Variants in MLLT10 observed in about 807,000 individuals in gnomAD.
The protein encoded by MLLT10 is MLLT10 histone lysine methyltransferase DOT1L cofactor, also known as protein AF-10.
Under a neutral mutation model 129.1 loss-of-function variants are expected in MLLT10, and 30 were observed. The observed-to-expected ratio is 0.23, with a 90% CI of 0.17 to 0.32. The LOEUF (loss-of-function observed/expected upper bound fraction) is 0.32, where lower values mean the gene tolerates loss of function less well. MLLT10 is among the 10% of genes least tolerant of loss of function. The probability of loss-of-function intolerance (pLI) is 1.00; values close to 1 mark genes in which losing one functional copy is unlikely to be tolerated. For synonymous variants in MLLT10, 490 were observed against 446.4 expected, an observed-to-expected ratio of 1.10 and a Z score of -1.23; for missense variants, 1,119 against 1,268.3, an observed-to-expected ratio of 0.88 and a Z score of 1.79.
chr10:21,535,991 T>G (rs1197285809), intron 2 of MLLT10, among the ~76,000 whole-genome samples: 1 of 152,252 alleles, frequency 6.6e-6, no homozygotes, highest in East Asian at 1.9e-4. Context: ...CAGGCTGTAG[T>G]GCAGTGGTGC....
At chr10:21,701,399 A>G (rs2054897840) in intron 13 of MLLT10, among the ~76,000 whole-genome samples, 1 of 150,402 alleles carries the variant, frequency 6.6e-6, no homozygotes, top group South Asian at 2.1e-4. Context: ...CTTGAGGTGC[A>G]TCATTAGATT....
In MLLT10 at chr10:21,735,522, T is replaced by C. The variant is rs74859211; in HGVS notation, c.2955+287T>C. ...GCTTCATTTTGATACGGGAGATGGA[T>C]GGACACGATGCACGCTTTTTGGTTG... On this transcript the variant is annotated intron_variant, in intron 21 of 22. Transcript: ENST00000307729. Among the ~76,000 whole-genome samples, 1,481 of 152,150 alleles carry C rather than the reference T, an allele frequency of 9.7e-3. 22 individuals are homozygous for C. Among genetic ancestry groups the C allele is most frequent in the African/African-American group, 0.034 (1,401 of 41,478 alleles).
chr10:21,631,434 AT>A (rs1225647026), intron 8 of MLLT10, among the ~76,000 whole-genome samples: 4,353 of 145,656 alleles, frequency 0.03, 192 homozygotes, highest in African/African-American at 0.098. Context: ...AGTCCCTGGA[AT>A]TTTTTTTTTT....
chr10:21,741,628 T>G (rs1833649493), intron 22 of MLLT10, among the ~76,000 whole-genome samples: 1 of 152,224 alleles, frequency 6.6e-6, no homozygotes. Context: ...AAAATTTCAT[T>G]CTCTACAGTA....
At chr10:21,548,910 T>C (rs2036528078) in intron 3 of MLLT10, among the ~76,000 whole-genome samples, 1 of 152,172 alleles carries the variant, frequency 6.6e-6, no homozygotes, top group African/African-American at 2.4e-5. Context: ...TTTGGAATTC[T>C]TTGTTAACTC....
At chr10:21,578,941 C>G (rs561272986) in intron 3 of MLLT10, among the ~76,000 whole-genome samples, 1 of 152,266 alleles carries the variant, frequency 6.6e-6, no homozygotes, top group African/African-American at 2.4e-5. Flanking sequence ...CTAAGTTTAC[C>G]CAGATATTTA....
intron 16 of MLLT10, 35 bp from the exon 17 acceptor site, chr10:21,730,865 C>T: frequency 6.2e-7 from 1 of 1,612,748 alleles, no homozygotes; most frequent in Non-Finnish European, 8.5e-7. Flanking sequence ...TAAAAGCATT[C>T]CCCTTCTTTT....
At chr10:21,559,552 C>A (rs2038528590) in intron 3 of MLLT10, among the ~76,000 whole-genome samples, 1 of 152,144 alleles carries the variant, frequency 6.6e-6, no homozygotes, top group Non-Finnish European at 1.5e-5. Context: ...GTGTTTATAA[C>A]CGTCAGCAGT....
In MLLT10 at chr10:21,667,379, T is replaced by C. The variant is rs185460679; in HGVS notation, c.796-3070T>C. Among the ~76,000 whole-genome samples the C allele has an allele frequency of 7.8e-4, 118 of 151,320 alleles. 1 individual carries two copies. The highest frequency in any genetic ancestry group is 2.6e-3 in the African/African-American group (106 of 41,444). ...TTAAACTGTGGGGGTTTTTTTTTTT[T>C]CATCAATTTTATAATTTTTCCTACT... On this transcript the variant is annotated intron_variant, in intron 9 of 22. Coordinates refer to ENST00000307729, the MANE Select transcript of MLLT10 (RefSeq NM_001195626.3).
intron 22 of MLLT10, 146 bp from the exon 23 acceptor site, chr10:21,741,793 A>G: frequency 1.4e-6 from 1 of 697,644 alleles, no homozygotes; most frequent in African/African-American, 1.8e-5. Flanking sequence ...ATGTCTATAT[A>G]TTACGTTGCA....
chr10:21,731,408 T>C (rs1300692092), intron 17 of MLLT10, among the ~76,000 whole-genome samples: 1 of 152,208 alleles, frequency 6.6e-6, no homozygotes. Context: ...GCCTGGCTCA[T>C]ACATAGCATT....
chr10:21,651,625 G>A, intron 8 of MLLT10, 48 bp from the exon 9 acceptor site: 1 of 1,300,316 alleles, frequency 7.7e-7, no homozygotes. Context: ...TTGCATATAT[G>A]GGGTTATAGT....
At chr10:21,542,970 T>C (rs2035449122) in intron 3 of MLLT10, among the ~76,000 whole-genome samples, 1 of 152,064 alleles carries the variant, frequency 6.6e-6, no homozygotes. Context: ...TTTTTTGTTT[T>C]TTTTTTGAGA....
At chr10:21,594,052 T>C (rs1455553999) in intron 4 of MLLT10, among the ~76,000 whole-genome samples, 1 of 151,822 alleles carries the variant, frequency 6.6e-6, no homozygotes, top group South Asian at 2.1e-4. Context: ...GGTTGTAATT[T>C]AGGATTACCT....
intron 3 of MLLT10, among the ~76,000 whole-genome samples, chr10:21,543,571 C>T (rs1252468795): frequency 2.0e-5 from 3 of 151,814 alleles, no homozygotes; most frequent in Non-Finnish European, 4.4e-5. Flanking sequence ...CTCCGCCTCC[C>T]GGGTTCAAGC....
At chr10:21,661,618 C>A (rs919561071) in intron 9 of MLLT10, 1 of 152,106 alleles carries the variant, frequency 6.6e-6, no homozygotes, top group African/African-American at 2.4e-5. Context: ...TTCTCCATTT[C>A]CTTTTTATTT....
chr10:21,646,775 C>T (rs1589414037), intron 8 of MLLT10, among the ~76,000 whole-genome samples: 1 of 151,948 alleles, frequency 6.6e-6, no homozygotes, highest in South Asian at 2.1e-4. Flanking sequence ...ATTCACAGTT[C>T]TGAAGAGTAC....
intron 3 of MLLT10, among the ~76,000 whole-genome samples, chr10:21,567,533 A>G (rs2039723187): frequency 6.6e-6 from 1 of 152,154 alleles, no homozygotes; most frequent in African/African-American, 2.4e-5. Context: ...CTCCACTGAC[A>G]CAGTAGGGAG....
intron 3 of MLLT10, among the ~76,000 whole-genome samples, chr10:21,575,807 T>A (rs571980535): frequency 2.6e-5 from 4 of 152,338 alleles, no homozygotes; most frequent in African/African-American, 9.6e-5. Flanking sequence ...TTTTGAAGCC[T>A]TGTTTTTAGG....
Sources: allele counts gnomAD v4.1 joint callset (sites outside exome capture counted in the v4.1 genomes callset), GRCh38; gene constraint gnomAD v4.1.1; transcripts MANE v1.5; gene names NCBI Gene and HGNC (gene_info 2026-07-23, HGNC 2026-07-21).